Variants in UNC79 observed in about 807,000 individuals in gnomAD.
UNC79 encodes unc-79 subunit of NALCN channel complex.
A neutral mutation model predicts 283.1 loss-of-function variants in UNC79; 37 were observed. The ratio of observed to expected loss-of-function variants is 0.13; its 90% CI spans 0.10 to 0.17. UNC79 has a LOEUF of 0.17. Ranked by LOEUF, UNC79 falls within the 10% of genes least tolerant of loss-of-function variation. The pLI is 1.00. For synonymous variants in UNC79, 1,107 were observed against 1,200.2 expected, an observed-to-expected ratio of 0.92 and a Z score of 1.61; for missense variants, 2,272 against 3,211.1, an observed-to-expected ratio of 0.71 and a Z score of 7.07.
intron 31 of UNC79, among the ~76,000 whole-genome samples, chr14:93,634,281 G>T (rs1342997994): frequency 6.6e-6 from 1 of 152,112 alleles, no homozygotes; most frequent in East Asian, 1.9e-4. Context: ...GTTATAACTG[G>T]GATAAATATT....
Position 93,621,707 on chromosome 14 carries a change from A to G in UNC79, c.4474A>G (p.Lys1492Glu), listed in dbSNP as rs375335058. ...TGTGAGAGAAGAAAGCATTCCGAAA[A>G]AAAAGCTACGCTCTTTCAAACAAAA... Residue 1492 changes from lysine (K) to glutamate (E), a missense_variant, in exon 30 of 49, where the codon AAA becomes GAA. Lys to Glu is a moderately conservative substitution (Grantham distance 56). Coordinates refer to ENST00000555664, the Ensembl canonical transcript of UNC79. This position sits in a 1 kb window ranked among gnomAD's most constrained non-coding sequence, Gnocchi z 4.8. 5.6e-6 allele frequency: 9 copies of G among 1,613,590 alleles called. No homozygotes were observed. Among genetic ancestry groups the G allele is most frequent in the African/African-American group, 1.3e-5 (1 of 74,862 alleles).
intron 24 of UNC79, among the ~76,000 whole-genome samples, chr14:93,599,639 A>G (rs2065348163): frequency 6.6e-6 from 1 of 152,194 alleles, no homozygotes; most frequent in Non-Finnish European, 1.5e-5. Flanking sequence ...TGAATTAATG[A>G]ATGGGATGTT....
At chr14:93,643,938 C>T (rs1047552796) in intron 34 of UNC79, among the ~76,000 whole-genome samples, 2 of 152,204 alleles carry the variant, frequency 1.3e-5, no homozygotes, top group Non-Finnish European at 2.9e-5. Flanking sequence ...ACTAAGGAAA[C>T]CCCACTGTTT....
chr14:93,503,816 C>T (rs1053087791), intron 7 of UNC79, among the ~76,000 whole-genome samples: 1 of 151,822 alleles, frequency 6.6e-6, no homozygotes, highest in African/African-American at 2.4e-5. Context: ...CATTCTTTGT[C>T]TTCATATTTA....
chr14:93,412,687 A>G (rs1409747232), intron 1 of UNC79, among the ~76,000 whole-genome samples: 9 of 151,960 alleles, frequency 5.9e-5, no homozygotes, highest in Admixed American at 5.2e-4. Context: ...ATCTTTCTCT[A>G]TGTTTGCAAA....
At chr14:93,365,008 A>C (rs1399986602) in intron 1 of UNC79, among the ~76,000 whole-genome samples, 1 of 152,096 alleles carries the variant, frequency 6.6e-6, no homozygotes, top group Non-Finnish European at 1.5e-5. Context: ...TGAGGAGGGA[A>C]GATTGCTTGA....
At chr14:93,397,355 C>T (rs2055019280) in intron 1 of UNC79, 1 of 152,164 alleles carries the variant, frequency 6.6e-6, no homozygotes, top group South Asian at 2.1e-4. Flanking sequence ...ATCTGAATTT[C>T]TGGAAGTGAG....
In UNC79 at chr14:93,454,188, A is replaced by G. The variant is rs542202637; in HGVS notation, c.23-13483A>G. ...CTCCCAAGTAGCTGGGACTACAGGT[A>G]TCACCATGACACTTGGTTATTAAAA... On this transcript the variant is annotated intron_variant, in intron 1 of 48. Transcript: ENST00000555664. 8.0e-4 allele frequency among the ~76,000 whole-genome samples: 121 copies of G among 152,066 alleles called. 2 individuals carry two copies. Among genetic ancestry groups the G allele is most frequent in the Middle Eastern group, 6.8e-3 (2 of 294 alleles).
intron 33 of UNC79, among the ~76,000 whole-genome samples, chr14:93,643,102 C>T (rs546987418): frequency 3.9e-5 from 6 of 152,214 alleles, no homozygotes; most frequent in Non-Finnish European, 8.8e-5. Context: ...TACCCTGTCT[C>T]TTACCCACAA....
chr14:93,491,919 A>C lies in UNC79; in HGVS notation c.712+4164A>C, dbSNP rs190285018. Among the ~76,000 whole-genome samples, 33 of 152,346 alleles carry C rather than the reference A, an allele frequency of 2.2e-4. No individual in the cohort carries two copies. In the East Asian group the frequency reaches 6.4e-3, roughly 29 times the overall value. On this transcript the variant is annotated intron_variant, in intron 5 of 48. Transcript: ENST00000555664. ...TAGTCTTGTGATATAGGAAGCACTTAAGCGAGGCAATATCCACCAGGGGCT... is the reference window on the plus strand; with the variant it reads ...TAGTCTTGTGATATAGGAAGCACTTCAGCGAGGCAATATCCACCAGGGGCT...
In UNC79 at chr14:93,691,649, C is replaced by T. The variant is rs1054626557; in HGVS notation, c.7273-100C>T. On this transcript the variant is annotated intron_variant, in intron 45 of 48. Transcript: ENST00000555664. The stretch of plus-strand genomic sequence containing the variant: ...GATAACGTTATGCCTTTGTGCTTCC[C>T]CTGTGCTCCCTGGCAAGACCAAAGC... 4.0e-6 allele frequency: 5 copies of T among 1,251,074 alleles called. 1 individual carries two copies. The highest frequency in any genetic ancestry group is 3.4e-5 in the Admixed American group (2 of 58,902). 77.5% of individuals were successfully genotyped at this position (1,251,074 alleles called of 1,614,324 possible).
chr14:93,362,872 G>GT (rs2054254425), intron 1 of UNC79, among the ~76,000 whole-genome samples: 2 of 151,870 alleles, frequency 1.3e-5, no homozygotes, highest in Admixed American at 6.6e-5. Context: ...TAGGTCTTCT[G>GT]TTTTTTTCTT....
intron 19 of UNC79, among the ~76,000 whole-genome samples, chr14:93,581,164 T>A (rs1007466951): frequency 3.5e-4 from 53 of 152,160 alleles, no homozygotes; most frequent in East Asian, 1.4e-3. Context: ...TAAATTTTTT[T>A]AAAAAAATTA....
At chr14:93,375,868 G>A (rs187425080) in intron 1 of UNC79, among the ~76,000 whole-genome samples, 155 of 152,246 alleles carry the variant, frequency 1.0e-3, no homozygotes, top group Non-Finnish European at 1.3e-3. Flanking sequence ...TGAGATTTGG[G>A]CGGGAATACA....
At chr14:93,585,479 C>T (rs995586284) in intron 20 of UNC79, among the ~76,000 whole-genome samples, 7 of 152,206 alleles carry the variant, frequency 4.6e-5, no homozygotes, top group Non-Finnish European at 7.3e-5. Context: ...TTAAAACTTT[C>T]ACATCAAACA....
At chr14:93,351,806 G>A (rs1028260388) in intron 1 of UNC79, among the ~76,000 whole-genome samples, 3 of 152,202 alleles carry the variant, frequency 2.0e-5, no homozygotes, top group Admixed American at 2.0e-4. Context: ...AGGAGTTGGA[G>A]TTCCAGTCTG....
At chr14:93,568,753 A>G (rs1235039140) in intron 14 of UNC79, among the ~76,000 whole-genome samples, 2 of 152,200 alleles carry the variant, frequency 1.3e-5, no homozygotes, top group Non-Finnish European at 1.5e-5. Flanking sequence ...GCTCTTTTTC[A>G]TCTTTGCCTC....
chr14:93,683,857 AACAC>A (rs546504550), intron 42 of UNC79, among the ~76,000 whole-genome samples: 1 of 151,818 alleles, frequency 6.6e-6, no homozygotes, highest in Non-Finnish European at 1.5e-5. Flanking sequence ...AAAAAAAAAA[AACAC>A]ACACTTCATC....
chr14:93,556,602 T>TA (rs952322447), intron 14 of UNC79, among the ~76,000 whole-genome samples: 4 of 151,890 alleles, frequency 2.6e-5, no homozygotes, highest in African/African-American at 7.3e-5. Flanking sequence ...TGTCAGAAAT[T>TA]ACCTTAAGTC....
Sources: allele counts gnomAD v4.1 joint callset (sites outside exome capture counted in the v4.1 genomes callset), GRCh38; gene constraint gnomAD v4.1.1; non-coding constraint Gnocchi (gnomAD v3.1); transcripts MANE v1.5; gene names NCBI Gene and HGNC (gene_info 2026-07-23, HGNC 2026-07-21).